Variants in RTRAF observed in about 807,000 individuals in gnomAD.
RTRAF encodes the protein RNA transcription, translation and transport factor.
In RTRAF, 14 loss-of-function variants were observed where a neutral mutation model predicts 34.4. The ratio of observed to expected loss-of-function variants is 0.41; its 90% CI spans 0.27 to 0.64. RTRAF has a LOEUF of 0.64. Ranked by LOEUF, RTRAF falls within the 30% of genes least tolerant of loss-of-function variation. The probability of loss-of-function intolerance (pLI) is 0.34; values close to 1 mark genes in which losing one functional copy is unlikely to be tolerated. For synonymous variants in RTRAF, 96 were observed against 95.3 expected, an observed-to-expected ratio of 1.01 and a Z score of -0.04; for missense variants, 291 against 288.4, an observed-to-expected ratio of 1.01 and a Z score of -0.06.
At position 52,006,153 on chromosome 14, in the gene RTRAF, T is replaced by G. The variant is rs1296495019; in HGVS notation, c.*1637T>G. The G allele has an allele frequency of 2.4e-6, 1 of 410,726 alleles. No individual in the cohort carries two copies. Among genetic ancestry groups the G allele is most frequent in the Non-Finnish European group, 4.5e-6 (1 of 220,862 alleles). The allele number at this position is 410,726 out of a possible 1,614,324, so 25.4% of individuals were successfully genotyped here. ...AACTAGTCTAAATAGTATTTTTCGG[T>G]CCCTCAGACAATATGTCCACAGTGT... is the stretch of plus-strand genomic sequence containing the variant. On this transcript the variant is annotated 3_prime_UTR_variant, in exon 8 of 8. Transcript: ENST00000261700.
At position 52,005,308 on chromosome 14, in the gene RTRAF, T is replaced by TAAAG. The variant is rs1890723039; in HGVS notation, c.*794_*797dup. Reference sequence around the variant, plus strand: ...ACCTTCATTTTTAAAAATACAGTAGTAAAGATTGAGGTATCAGCTTTTCAC... The same window carrying TAAAG: ...ACCTTCATTTTTAAAAATACAGTAGTAAAGAAAGATTGAGGTATCAGCTTTTCAC... On this transcript the variant is annotated 3_prime_UTR_variant, in exon 8 of 8. Transcript: ENST00000261700. The TAAAG allele has an allele frequency of 2.2e-6, 1 of 458,858 alleles. No individual in the cohort carries two copies. Among genetic ancestry groups the TAAAG allele is most frequent in the African/African-American group, 2.0e-5 (1 of 49,932 alleles). The allele number at this position is 458,858 out of a possible 1,614,324, so 28.4% of individuals were successfully genotyped here. A position where few individuals can be genotyped will look rare whatever the true frequency, so the allele number is the denominator to read the frequency against.
intron 3 of RTRAF, chr14:51,998,292 T>C: frequency 2.2e-6 from 1 of 447,974 alleles, no homozygotes; most frequent in Non-Finnish European, 4.0e-6. Context: ...TGTTTAGACT[T>C]CAGTCCCATC....
chr14:52,001,922 C>T (rs947909241), intron 6 of RTRAF, 56 bp downstream of exon 6: 2 of 1,439,632 alleles, frequency 1.4e-6, no homozygotes, highest in South Asian at 1.2e-5. Context: ...CTGGTATGGC[C>T]GTGATTTTAA....
rs1021413467 is a variant in RTRAF at position 52,005,020 on chromosome 14, C to CTATAAATA, written c.*505_*512dup. On this transcript the variant is annotated 3_prime_UTR_variant, in exon 8 of 8. Transcript: ENST00000261700. ...AAATCTTAGAACTTTTGTTGGGAAA[C>CTATAAATA]TATAAATAATTGGTCCTTTCCCATC... The CTATAAATA allele has an allele frequency of 1.9e-5, 3 of 157,364 alleles. No individual in the cohort carries two copies. In the East Asian group the frequency reaches 5.7e-4, roughly 30 times the overall value. 9.7% of individuals were successfully genotyped at this position (157,364 alleles called of 1,614,324 possible). A position where few individuals can be genotyped will look rare whatever the true frequency, so the allele number is the denominator to read the frequency against.
At chr14:51,995,182 C>A (rs1170144579) in intron 3 of RTRAF, among the ~76,000 whole-genome samples, 4 of 152,036 alleles carry the variant, frequency 2.6e-5, no homozygotes, top group Admixed American at 2.6e-4. Flanking sequence ...ACTACAAACT[C>A]AGTGACTGAA....
rs1356924371 is a variant in RTRAF, at chr14:51,989,668, A to C, written c.29A>C (p.Asp10Ala). Residue 10 changes from aspartate to alanine, a missense_variant, in exon 1 of 8, where the codon GAC becomes GCC. Transcript: ENST00000261700. MFRRKLTALDYHNPAGFNCK... is the reference protein window; with the variant it reads MFRRKLTALAYHNPAGFNCK... ...TTCCGACGCAAGTTGACGGCTCTCG[A>C]CTACCACAACCCCGCCGGCTTCAAC... The C allele has an allele frequency of 6.2e-7, 1 of 1,606,422 alleles. No homozygotes were observed. The highest frequency in any genetic ancestry group is 1.1e-5 in the South Asian group (1 of 89,720).
At chr14:51,991,939 T>C (rs1253679) in intron 2 of RTRAF, among the ~76,000 whole-genome samples, 84,729 of 151,926 alleles carry the variant, frequency 0.56, 23,841 homozygotes, top group East Asian at 0.72. Flanking sequence ...TGCTGGCCTG[T>C]GTCTGTAGTG....
In RTRAF at chr14:51,989,578, G is replaced by A; in HGVS notation, c.-62G>A. The A allele has an allele frequency of 6.5e-7, 1 of 1,528,400 alleles. No individual in the cohort carries two copies. The highest frequency in any genetic ancestry group is 2.0e-5 in the Admixed American group (1 of 50,084). 94.7% of individuals were successfully genotyped at this position (1,528,400 alleles called of 1,614,324 possible). On this transcript the variant is annotated 5_prime_UTR_variant, in exon 1 of 8. Coordinates refer to ENST00000261700, the MANE Select transcript of RTRAF (RefSeq NM_016039.3). Reference sequence around the variant, plus strand: ...CGCGTCGCCGGTGCCTGCGCCTCCCGCTCCACCTCGCTTCTTCTCTCCCGG... The same window carrying A: ...CGCGTCGCCGGTGCCTGCGCCTCCCACTCCACCTCGCTTCTTCTCTCCCGG...
At chr14:51,993,269 T>C (rs1047927447) in intron 2 of RTRAF, among the ~76,000 whole-genome samples, 2 of 152,208 alleles carry the variant, frequency 1.3e-5, no homozygotes, top group African/African-American at 4.8e-5. Context: ...TTTAAATTAC[T>C]TGGTTACACC....
At position 52,006,726 on chromosome 14, in the gene RTRAF, G is replaced by A; in HGVS notation, c.*2210G>A. On this transcript the variant is annotated 3_prime_UTR_variant, in exon 8 of 8. Transcript: ENST00000261700. ...TTGCCAAAAATGATAGTGACATAGT[G>A]ATAGTGACACAGTGATAGAATGGGG... is the stretch of plus-strand genomic sequence containing the variant. 1 of 1,545,856 alleles carries A rather than the reference G, an allele frequency of 6.5e-7. No individual in the cohort carries two copies. Among genetic ancestry groups the A allele is most frequent in the Non-Finnish European group, 8.9e-7 (1 of 1,122,502 alleles).
Position 52,005,654 on chromosome 14 carries a change from A to T in RTRAF, c.*1138A>T, listed in dbSNP as rs541100660. 10 of 1,374,560 alleles carry T rather than the reference A, an allele frequency of 7.3e-6. No homozygotes were observed. Among genetic ancestry groups the T allele is most frequent in the Non-Finnish European group, 1.0e-5 (10 of 964,236 alleles). 85.1% of individuals were successfully genotyped at this position (1,374,560 alleles called of 1,614,324 possible). ...AAGAAGGCAATGGTGGCAGTGTCAC[A>T]GGCAGCAGGGGTAATCAAATACCAT... On this transcript the variant is annotated 3_prime_UTR_variant, in exon 8 of 8. Coordinates refer to ENST00000261700, the MANE Select transcript of RTRAF (RefSeq NM_016039.3).
At chr14:51,992,180 CTT>C (rs1278264988) in intron 2 of RTRAF, among the ~76,000 whole-genome samples, 1 of 152,118 alleles carries the variant, frequency 6.6e-6, no homozygotes, top group South Asian at 2.1e-4. Flanking sequence ...TTTAGTAACA[CTT>C]TTGCATAAAA....
rs1890678498 is a variant in RTRAF at position 52,004,547 on chromosome 14, T to TAGTACAGTTGGGAACCATACACTTCTG, written c.*32_*58dup. 10 of 1,601,414 alleles carry TAGTACAGTTGGGAACCATACACTTCTG rather than the reference T, an allele frequency of 6.2e-6. No individual in the cohort carries two copies. Among genetic ancestry groups the TAGTACAGTTGGGAACCATACACTTCTG allele is most frequent in the African/African-American group, 1.4e-5 (1 of 74,044 alleles). On this transcript the variant is annotated 3_prime_UTR_variant, in exon 8 of 8. Transcript: ENST00000261700. ...TGAGGACTTCAGCTTCTCACCTACT[T>TAGTACAGTTGGGAACCATACACTTCTG]AGTACAGTTGGGAACCATACACTTC...
chr14:51,998,588 T>C lies in RTRAF; in HGVS notation c.373+8T>C, dbSNP rs375943562. On this transcript the variant is annotated splice_region_variant and intron_variant, in intron 4 of 7. Transcript: ENST00000261700. ...CATTGATCAATTTGGATGGTGAGTA[T>C]ATAAATGCATAACATTGAACATCAA... is the stretch of plus-strand genomic sequence containing the variant. The C allele has an allele frequency of 1.9e-6, 3 of 1,545,328 alleles. No homozygotes were observed. The highest frequency in any genetic ancestry group is 2.6e-6 in the Non-Finnish European group (3 of 1,134,770).
At chr14:51,994,428 T>G (rs887079084) in intron 3 of RTRAF, among the ~76,000 whole-genome samples, 7 of 152,236 alleles carry the variant, frequency 4.6e-5, no homozygotes, top group African/African-American at 1.7e-4. Flanking sequence ...GTTACAGTCT[T>G]CTTAATTATT....
Position 52,005,133 on chromosome 14 carries a change from A to C in RTRAF, c.*617A>C. The C allele has an allele frequency of 5.2e-6, 1 of 191,090 alleles. No homozygotes were observed. Among genetic ancestry groups the C allele is most frequent in the Non-Finnish European group, 1.1e-5 (1 of 93,758 alleles). The allele number at this position is 191,090 out of a possible 1,614,324, so 11.8% of individuals were successfully genotyped here. ...TGCTTTAATTTCTTGGCCAGAAGGA[A>C]TCCATGGCAAAAATCAGGTTTAGAG... On this transcript the variant is annotated 3_prime_UTR_variant, in exon 8 of 8. Coordinates refer to ENST00000261700, the MANE Select transcript of RTRAF (RefSeq NM_016039.3).
intron 2 of RTRAF, among the ~76,000 whole-genome samples, chr14:51,993,131 A>G (rs73301036): frequency 1.5e-4 from 23 of 152,302 alleles, no homozygotes; most frequent in African/African-American, 5.1e-4. Flanking sequence ...TAATTTCAAC[A>G]TATCAGAACC....
intron 1 of RTRAF, among the ~76,000 whole-genome samples, chr14:51,990,597 T>C (rs956136995): frequency 1.3e-5 from 2 of 152,208 alleles, no homozygotes; most frequent in African/African-American, 4.8e-5. Flanking sequence ...TAATCTATTG[T>C]TTTTCTACTT....
chr14:51,994,941 T>C (rs1388089584), intron 3 of RTRAF, among the ~76,000 whole-genome samples: 1 of 151,918 alleles, frequency 6.6e-6, no homozygotes. Context: ...TATCTACACA[T>C]CTAAATCCTA....
Sources: gnomAD v4.1 joint callset for allele counts (sites outside exome capture counted in the v4.1 genomes callset) on GRCh38, gnomAD v4.1.1 for gene constraint, MANE v1.5 for transcripts, NCBI Gene and HGNC (gene_info 2026-07-23, HGNC 2026-07-21) for gene names.